The following SLC9C1 variants were observed in gnomAD, a reference collection of about 807,000 sequenced individuals.
SLC9C1 encodes the protein sodium/hydrogen exchanger 10.
SLC9C1 carries 97 observed loss-of-function variants against 140.9 expected under a neutral mutation model. The ratio of observed to expected loss-of-function variants is 0.69; its 90% confidence interval spans 0.58 to 0.82. The LOEUF (loss-of-function observed/expected upper bound fraction) is 0.82, where lower values mean the gene tolerates loss of function less well. Ranked by LOEUF, SLC9C1 falls within the 40% of genes least tolerant of loss-of-function variation. The pLI is 0.00. For missense variants in SLC9C1, 1,340 were observed against 1,389.3 expected, an observed-to-expected ratio of 0.96 and a Z score of 0.56; for synonymous variants, 440 against 442.6, an observed-to-expected ratio of 0.99 and a Z score of 0.07.
intron 17 of SLC9C1, among the ~76,000 whole-genome samples, chr3:112,203,246 G>A (rs2077955132): frequency 6.6e-6 from 1 of 151,882 alleles, no homozygotes; most frequent in Non-Finnish European, 1.5e-5. Flanking sequence ...AGAGTTTTCT[G>A]AATATATCAA....
At chr3:112,283,582 C>G (rs2080419172) in intron 2 of SLC9C1, among the ~76,000 whole-genome samples, 1 of 151,682 alleles carries the variant, frequency 6.6e-6, no homozygotes, top group South Asian at 2.1e-4. Flanking sequence ...GTAAGCAGTT[C>G]AGTTTTTATT....
intron 15 of SLC9C1, among the ~76,000 whole-genome samples, chr3:112,216,071 T>C (rs9822394): frequency 0.3 from 45,584 of 151,950 alleles, 7,047 homozygotes; most frequent in East Asian, 0.36. Flanking sequence ...AACCATCTGA[T>C]CTTTGACAAA....
Position 112,204,422 on chromosome 3 carries a change from A to G in SLC9C1, c.1987-19T>C, listed in dbSNP as rs377038358. The G allele has an allele frequency of 3.2e-6, 5 of 1,541,598 alleles. No individual in the cohort carries two copies. The African/African-American group carries it at 5.7e-5, about 18-fold the overall frequency. The stretch of plus-strand genomic sequence containing the variant: ...CTGCTATCTGTTGATTTAAAAGGAA[A>G]TTACATTATCATGTTTGTTTCTGCT... On this transcript the variant is annotated intron_variant, in intron 16 of 28. Coordinates refer to ENST00000305815, the MANE Select transcript of SLC9C1 (RefSeq NM_183061.3).
chr3:112,239,916 A>G lies in SLC9C1; in HGVS notation c.1370T>C (p.Leu457Pro). 1 of 1,614,002 alleles carries G rather than the reference A, an allele frequency of 6.2e-7. No homozygotes were observed. The highest frequency in any genetic ancestry group is 1.1e-5 in the South Asian group (1 of 91,056). The change falls in exon 12 of 29, where the codon CTT (leucine) becomes CCT (proline). Residue 457 changes from leucine (L) to proline (P), a missense_variant. Leu to Pro is a moderately conservative substitution (Grantham distance 98, BLOSUM62 -3). Transcript: ENST00000305815. ...ATTAGCAAGATCTTTGTCAAATTTA[A>G]GGGCAGAGGCTGCAGACTTGGTTAG... is the stretch of plus-strand genomic sequence containing the variant. Reference protein sequence around the residue: ...QELTKSAASALKFDKDLANAD... With the variant: ...QELTKSAASAPKFDKDLANAD...
intron 23 of SLC9C1, among the ~76,000 whole-genome samples, chr3:112,173,058 A>G (rs1468320183): frequency 1.3e-5 from 2 of 152,158 alleles, no homozygotes; most frequent in African/African-American, 4.8e-5. Flanking sequence ...CACTGGCCCC[A>G]TAAAATGCAC....
chr3:112,166,923 G>T (rs1359192009), intron 26 of SLC9C1, among the ~76,000 whole-genome samples: 1 of 151,942 alleles, frequency 6.6e-6, no homozygotes, highest in African/African-American at 2.4e-5. Context: ...TCTTTTTATT[G>T]TTATTGCTAT....
chr3:112,161,538 C>G (rs1412946012), intron 26 of SLC9C1, among the ~76,000 whole-genome samples: 1 of 152,186 alleles, frequency 6.6e-6, no homozygotes, highest in South Asian at 2.1e-4. Flanking sequence ...ATCCTTTCCT[C>G]ATTGCTTATT....
At chr3:112,233,500 A>G (rs1175945542) in intron 12 of SLC9C1, among the ~76,000 whole-genome samples, 1 of 152,082 alleles carries the variant, frequency 6.6e-6, no homozygotes, top group Non-Finnish European at 1.5e-5. Flanking sequence ...TTTTCATTAT[A>G]CTTTAAGTTC....
intron 23 of SLC9C1, 56 bp downstream of exon 23, chr3:112,179,475 A>T: frequency 1.3e-6 from 2 of 1,527,616 alleles, no homozygotes; most frequent in Non-Finnish European, 1.8e-6. Context: ...AAATAACCTT[A>T]AATCTGATAT....
At chr3:112,147,941 C>T (rs1472073944) in intron 28 of SLC9C1, among the ~76,000 whole-genome samples, 1 of 152,164 alleles carries the variant, frequency 6.6e-6, no homozygotes, top group Non-Finnish European at 1.5e-5. Flanking sequence ...TCCCATATTT[C>T]TCAAAGACTT....
intron 15 of SLC9C1, among the ~76,000 whole-genome samples, chr3:112,215,186 T>G (rs912976955): frequency 8.9e-5 from 1 of 11,178 alleles, no homozygotes; most frequent in East Asian, 0.029. Context: ...TCTTAATAAA[T>G]TAGGTATTGA....
intron 26 of SLC9C1, among the ~76,000 whole-genome samples, chr3:112,161,703 G>C (rs1225197156): frequency 1.3e-5 from 2 of 151,948 alleles, no homozygotes; most frequent in African/African-American, 2.4e-5. Flanking sequence ...GTCAGGTAGC[G>C]TGATGCCTCC....
In SLC9C1 at chr3:112,155,022, A is replaced by C. The variant is rs139017505; in HGVS notation, c.3392T>G (p.Ile1131Ser). The change falls in exon 27 of 29, where the codon ATT (isoleucine) becomes AGT (serine). Residue 1131 changes from isoleucine (I) to serine (S), a missense_variant. Transcript: ENST00000305815. ...CTCCTTAACATTTCTTTCTTCTTGA[A>C]TGCCTTCTTCCAATGTTCCAACTGA... ...IGSVGTLEEG[I>S]QEERNVKEDG... 1.3e-4 allele frequency: 207 copies of C among 1,608,714 alleles called. No homozygotes were observed. The African/African-American group carries it at 2.6e-3, about 20-fold the overall frequency.
intron 1 of SLC9C1, among the ~76,000 whole-genome samples, chr3:112,288,759 C>T (rs1470442638): frequency 6.6e-6 from 1 of 152,040 alleles, no homozygotes; most frequent in Non-Finnish European, 1.5e-5. Context: ...TACCTTGTCT[C>T]TAAAACAAAT....
intron 16 of SLC9C1, 103 bp from the exon 17 acceptor site, chr3:112,204,506 C>T (rs2077992005): frequency 2.4e-6 from 3 of 1,229,644 alleles, no homozygotes; most frequent in Non-Finnish European, 3.3e-6. Flanking sequence ...CTCTTATCTA[C>T]TCCACATGTA....
At chr3:112,279,153 C>A (rs1276904967) in intron 3 of SLC9C1, among the ~76,000 whole-genome samples, 1 of 152,132 alleles carries the variant, frequency 6.6e-6, no homozygotes, top group African/African-American at 2.4e-5. Context: ...AACTCCTATT[C>A]TAGGTATCCA....
Position 112,278,767 on chromosome 3 carries a change from C to A in SLC9C1, c.280G>T (p.Asp94Tyr). ...TTTTGAAGCATGTACGTATCCATGT[C>A]AAATGCAGTAGTAAAGAAAACTACT... Reference protein sequence around the residue: ...TPVVFFTTAFDMDTYMLQKLF... With the variant: ...TPVVFFTTAFYMDTYMLQKLF... Residue 94 changes from aspartate to tyrosine, a missense_variant, in exon 4 of 29, where the codon GAC becomes TAC. By Grantham distance (160) the Asp-to-Tyr change is radical (BLOSUM62 -3). Coordinates refer to ENST00000305815, the MANE Select transcript of SLC9C1 (RefSeq NM_183061.3). 6.2e-7 allele frequency: 1 copy of A among 1,610,430 alleles called. No individual in the cohort carries two copies.
intron 1 of SLC9C1, among the ~76,000 whole-genome samples, chr3:112,291,452 G>A (rs1016274009): frequency 3.9e-5 from 6 of 151,934 alleles, no homozygotes; most frequent in Non-Finnish European, 5.9e-5. Flanking sequence ...TTAAAAAGTA[G>A]GCAAAGGACA....
chr3:112,141,277 C>G lies in SLC9C1; in HGVS notation c.3529G>C (p.Glu1177Gln). The G allele has an allele frequency of 6.3e-7, 1 of 1,584,310 alleles. No individual in the cohort carries two copies. The highest frequency in any genetic ancestry group is 8.6e-7 in the Non-Finnish European group (1 of 1,167,258). Residue 1177 changes from glutamate to glutamine, a missense_variant, in exon 29 of 29, where the codon GAG becomes CAG. Physicochemically the swap from Glu to Gln is conservative, Grantham distance 29. Coordinates refer to ENST00000305815, the MANE Select transcript of SLC9C1 (RefSeq NM_183061.3). ...CTTCGGTCTTCTTAACAGTCTTACT[C>G]TTTCCTAATAGAAGCGGAAAGAAAA... ...PRINLRKVRK[E>Q]
Sources: gnomAD v4.1 joint callset for allele counts (sites outside exome capture counted in the v4.1 genomes callset) on GRCh38, gnomAD v4.1.1 for gene constraint, MANE v1.5 for transcripts, NCBI Gene and HGNC (gene_info 2026-07-23, HGNC 2026-07-21) for gene names.